GALNT13: variants seen among roughly 807,000 people sequenced by gnomAD.
The protein encoded by GALNT13 is UDP-GalNAc:polypeptide N-acetylgalactosaminyltransferase 13.
GALNT13 carries 28 observed loss-of-function variants against 64.2 expected under a neutral mutation model. The observed-to-expected ratio is 0.44, with a 90% CI of 0.32 to 0.60. The LOEUF (loss-of-function observed/expected upper bound fraction) is 0.60. Ranked by LOEUF, GALNT13 falls within the 20% of genes least tolerant of loss-of-function variation. GALNT13 has a pLI of 0.05. For synonymous variants in GALNT13, 214 were observed against 224.6 expected, an observed-to-expected ratio of 0.95 and a Z score of 0.42; for missense variants, 577 against 669.8, an observed-to-expected ratio of 0.86 and a Z score of 1.53.
At chr2:153,286,670 C>G in the GALNT13 span, among the ~76,000 whole-genome samples, 1 of 152,008 alleles carries the variant, frequency 6.6e-6, no homozygotes, top group Admixed American at 6.6e-5. Flanking sequence ...TTCAAAATAA[C>G]GGGAAAAGCT....
chr2:153,625,067 G>C, the GALNT13 span, among the ~76,000 whole-genome samples: 9 of 152,050 alleles, frequency 5.9e-5, no homozygotes, highest in East Asian at 1.8e-3. Context: ...TCTAAAATTT[G>C]CAAAATTAAG....
intron 11 of GALNT13, among the ~76,000 whole-genome samples, chr2:154,420,836 C>T (rs187231383): frequency 7.9e-5 from 12 of 152,058 alleles, no homozygotes; most frequent in Middle Eastern, 3.4e-3. Context: ...AAATTAACAG[C>T]GTTGCCTAGC....
the GALNT13 span, among the ~76,000 whole-genome samples, chr2:153,442,017 C>T: frequency 1.3e-5 from 2 of 152,120 alleles, no homozygotes; most frequent in Non-Finnish European, 2.9e-5. Context: ...GGCATCTTGT[C>T]TTGTGCCAGT....
At chr2:154,412,949 A>G (rs1037025761) in intron 11 of GALNT13, among the ~76,000 whole-genome samples, 5 of 151,946 alleles carry the variant, frequency 3.3e-5, no homozygotes, top group Non-Finnish European at 5.9e-5. Context: ...TTTGAAAAGA[A>G]TAAGAATAAT....
chr2:154,034,494 G>A (rs552688916), intron 3 of GALNT13, among the ~76,000 whole-genome samples: 84 of 152,162 alleles, frequency 5.5e-4, no homozygotes, highest in Non-Finnish European at 9.7e-4. Context: ...TGGATATATT[G>A]CATAATGGTA....
chr2:153,083,114 A>G, the GALNT13 span, among the ~76,000 whole-genome samples: 11 of 152,284 alleles, frequency 7.2e-5, no homozygotes, highest in African/African-American at 2.6e-4. Flanking sequence ...GGTGTGAGCC[A>G]TCATGCCCAG....
chr2:153,782,509 G>A, the GALNT13 span, among the ~76,000 whole-genome samples: 1 of 152,086 alleles, frequency 6.6e-6, no homozygotes, highest in Non-Finnish European at 1.5e-5. Flanking sequence ...TAATTGTATG[G>A]GACCTCTGTT....
chr2:153,929,942 A>G (rs1290951688), intron 2 of GALNT13, among the ~76,000 whole-genome samples: 2 of 152,170 alleles, frequency 1.3e-5, no homozygotes, highest in African/African-American at 2.4e-5. Context: ...CCCCATTGGC[A>G]GAACTAATTT....
chr2:153,534,602 A>C, the GALNT13 span, among the ~76,000 whole-genome samples: 1 of 147,588 alleles, frequency 6.8e-6, no homozygotes, highest in Non-Finnish European at 1.5e-5. Flanking sequence ...AAAGAGAGTC[A>C]GTGAAGGGAG....
intron 4 of GALNT13, among the ~76,000 whole-genome samples, chr2:154,167,067 G>A (rs1413786627): frequency 6.6e-6 from 1 of 152,048 alleles, no homozygotes; most frequent in African/African-American, 2.4e-5. Context: ...CATGGCACAT[G>A]TATACATATG....
intron 4 of GALNT13, among the ~76,000 whole-genome samples, chr2:154,235,553 CAT>C (rs1377135322): frequency 6.6e-6 from 1 of 152,148 alleles, no homozygotes; most frequent in Admixed American, 6.6e-5. Context: ...CTGCAATTCT[CAT>C]AGCTCTTAAA....
At chr2:153,190,469 G>A in the GALNT13 span, among the ~76,000 whole-genome samples, 1 of 151,982 alleles carries the variant, frequency 6.6e-6, no homozygotes, top group African/African-American at 2.4e-5. Flanking sequence ...ATACCATGTT[G>A]TTTTGGTTAA....
chr2:153,719,046 G>C, the GALNT13 span, among the ~76,000 whole-genome samples: 2 of 152,028 alleles, frequency 1.3e-5, no homozygotes, highest in African/African-American at 2.4e-5. Context: ...CCCCTACTCT[G>C]TTCTTATTCC....
intron 4 of GALNT13, among the ~76,000 whole-genome samples, chr2:154,170,688 TTAAA>T (rs1490286774): frequency 1.3e-5 from 2 of 152,154 alleles, no homozygotes; most frequent in South Asian, 2.1e-4. Flanking sequence ...GTCATGGGAA[TTAAA>T]TAAGATAAAA....
intron 3 of GALNT13, among the ~76,000 whole-genome samples, chr2:154,057,223 G>C (rs999628710): frequency 6.6e-6 from 1 of 151,984 alleles, no homozygotes; most frequent in African/African-American, 2.4e-5. Flanking sequence ...TAGAGACGGG[G>C]TTTCACCATG....
intron 10 of GALNT13, among the ~76,000 whole-genome samples, chr2:154,408,569 T>A (rs992368323): frequency 6.6e-6 from 1 of 152,102 alleles, no homozygotes; most frequent in Non-Finnish European, 1.5e-5. Flanking sequence ...TTAGCCAATT[T>A]GTTTTTATTT....
intron 4 of GALNT13, among the ~76,000 whole-genome samples, chr2:154,148,671 A>G (rs920322607): frequency 4.9e-4 from 75 of 152,100 alleles, no homozygotes; most frequent in African/African-American, 1.2e-3. Context: ...TTTCTCTGAT[A>G]GCCAGTGATG....
chr2:153,245,554 G>A, the GALNT13 span, among the ~76,000 whole-genome samples: 2 of 152,076 alleles, frequency 1.3e-5, no homozygotes, highest in African/African-American at 4.8e-5. Context: ...GGGCCTGACT[G>A]TTCGAAAAAA....
At chr2:153,833,077 C>T in the GALNT13 span, among the ~76,000 whole-genome samples, 1 of 152,146 alleles carries the variant, frequency 6.6e-6, no homozygotes, top group South Asian at 2.1e-4. Flanking sequence ...TGCACTGTCC[C>T]TCTCCATCTT....
Sources: gnomAD v4.1 joint callset for allele counts (sites outside exome capture counted in the v4.1 genomes callset) on GRCh38, gnomAD v4.1.1 for gene constraint, MANE v1.5 for transcripts, NCBI Gene and HGNC (gene_info 2026-07-23, HGNC 2026-07-21) for gene names.